The following CTNNA3 variants were observed in gnomAD, a reference collection of about 807,000 sequenced individuals.
CTNNA3 encodes catenin alpha 3.
A neutral mutation model predicts 95.7 loss-of-function variants in CTNNA3; 76 were observed. The observed-to-expected ratio is 0.79, with a 90% CI of 0.66 to 0.96. The LOEUF is 0.96. Ranked by LOEUF, CTNNA3 falls within the 40% of genes least tolerant of loss-of-function variation. The pLI, the probability that CTNNA3 is intolerant of heterozygous loss-of-function variation, is 0.00. For missense variants in CTNNA3, 1,191 were observed against 1,089.8 expected, an observed-to-expected ratio of 1.09 and a Z score of -1.31; for synonymous variants, 431 against 374.4, an observed-to-expected ratio of 1.15 and a Z score of -1.74.
rs1841023404 is a variant in CTNNA3 at position 66,792,703 on chromosome 10, T to G, written c.1048-17179A>C. Among the ~76,000 whole-genome samples, 3 of 152,202 alleles carry G rather than the reference T, an allele frequency of 2.0e-5. No homozygotes were observed. In the South Asian group the frequency reaches 6.2e-4, roughly 31 times the overall value. On this transcript the variant is annotated intron_variant, in intron 7 of 17. Coordinates refer to ENST00000433211, the MANE Select transcript of CTNNA3 (RefSeq NM_013266.4). The stretch of plus-strand genomic sequence containing the variant: ...CACTTGGCAACATGTACAAACTTTC[T>G]GTTTTTAAAATATCAAAATCTATGC...
chr10:66,360,277 T>C (rs1026156537), intron 12 of CTNNA3, among the ~76,000 whole-genome samples: 1 of 150,126 alleles, frequency 6.7e-6, no homozygotes, highest in Non-Finnish European at 1.5e-5. Context: ...ACATTGAAAA[T>C]AAGGGTTTCC....
chr10:66,681,448 C>A (rs1589116370), intron 9 of CTNNA3, among the ~76,000 whole-genome samples: 2 of 152,142 alleles, frequency 1.3e-5, no homozygotes, highest in South Asian at 4.2e-4. Context: ...TCTAGCATAC[C>A]TTTACTGGCT....
Position 66,445,434 on chromosome 10 carries a change from C to T in CTNNA3, c.1532-66082G>A, listed in dbSNP as rs1292265757. Among the ~76,000 whole-genome samples, 3 of 152,160 alleles carry T rather than the reference C, an allele frequency of 2.0e-5. No individual in the cohort carries two copies. In the East Asian group the frequency reaches 5.8e-4, roughly 29 times the overall value. ...CCACATAGTTGGAAGTAAAGCACTC[C>T]TCAGCAAATGTAAAAGAACAGAAAT... On this transcript the variant is annotated intron_variant, in intron 11 of 17. Coordinates refer to ENST00000433211, the MANE Select transcript of CTNNA3 (RefSeq NM_013266.4).
intron 7 of CTNNA3, chr10:67,097,477 C>T: frequency 1.1e-6 from 1 of 903,900 alleles, no homozygotes; most frequent in South Asian, 1.5e-5. Context: ...GCCACAGGGC[C>T]ACAGATATAA....
intron 1 of CTNNA3, among the ~76,000 whole-genome samples, chr10:67,761,236 C>T (rs1036734694): frequency 9.2e-5 from 14 of 152,146 alleles, no homozygotes; most frequent in African/African-American, 3.4e-4. Context: ...ACCCAAATGT[C>T]GTTATGAGGC....
At chr10:65,966,587 C>G in intron 17 of CTNNA3, 25 bp downstream of exon 17, 1 of 1,583,956 alleles carries the variant, frequency 6.3e-7, no homozygotes, top group Admixed American at 1.7e-5. Context: ...CACCTGTGAT[C>G]ATGTAAGTGC....
At chr10:66,655,326 T>C (rs1262578322) in intron 9 of CTNNA3, among the ~76,000 whole-genome samples, 1 of 152,096 alleles carries the variant, frequency 6.6e-6, no homozygotes, top group Non-Finnish European at 1.5e-5. Flanking sequence ...AAAAGTAACA[T>C]ATATACAATC....
At chr10:67,401,917 A>T (rs182384647) in intron 5 of CTNNA3, among the ~76,000 whole-genome samples, 4 of 152,330 alleles carry the variant, frequency 2.6e-5, no homozygotes, top group South Asian at 4.1e-4. Flanking sequence ...TTCTCTAAAA[A>T]CTTTCAGAAA....
intron 2 of CTNNA3, among the ~76,000 whole-genome samples, chr10:67,636,206 T>C (rs1284704538): frequency 6.6e-6 from 1 of 152,156 alleles, no homozygotes; most frequent in Non-Finnish European, 1.5e-5. Context: ...TCCTCATGGA[T>C]AGGAAGAATC....
At chr10:67,570,586 T>C (rs1841945454) in intron 3 of CTNNA3, among the ~76,000 whole-genome samples, 1 of 152,170 alleles carries the variant, frequency 6.6e-6, no homozygotes. Flanking sequence ...ATTACTGCTG[T>C]AACCTTTTAC....
intron 1 of CTNNA3, among the ~76,000 whole-genome samples, chr10:67,714,052 G>A (rs566593504): frequency 3.3e-5 from 5 of 152,336 alleles, no homozygotes; most frequent in Non-Finnish European, 5.9e-5. Context: ...TGCTGCAGGG[G>A]CAGGGCTCTC....
intron 7 of CTNNA3, among the ~76,000 whole-genome samples, chr10:66,920,216 A>G (rs181348287): frequency 1.1e-4 from 16 of 152,344 alleles, no homozygotes; most frequent in Admixed American, 4.6e-4. Flanking sequence ...ATATTGTACA[A>G]TGTACTTACT....
At chr10:66,150,641 G>C (rs1424952319) in intron 13 of CTNNA3, among the ~76,000 whole-genome samples, 1 of 151,546 alleles carries the variant, frequency 6.6e-6, no homozygotes, top group Non-Finnish European at 1.5e-5. Flanking sequence ...CCTTGTGTTG[G>C]GGTCATTCTA....
intron 9 of CTNNA3, among the ~76,000 whole-genome samples, chr10:66,660,387 C>T (rs1846221578): frequency 1.3e-5 from 2 of 152,172 alleles, no homozygotes; most frequent in Non-Finnish European, 2.9e-5. Context: ...ATGCCTCCAA[C>T]CTCTTAACTT....
At chr10:67,149,584 C>A (rs1445430014) in intron 7 of CTNNA3, among the ~76,000 whole-genome samples, 2 of 151,820 alleles carry the variant, frequency 1.3e-5, no homozygotes, top group East Asian at 3.9e-4. Flanking sequence ...GACTCCGTCT[C>A]AAAAAACAAA....
chr10:66,755,679 A>G (rs1015723140), intron 9 of CTNNA3, among the ~76,000 whole-genome samples: 2 of 152,116 alleles, frequency 1.3e-5, no homozygotes, highest in African/African-American at 4.8e-5. Flanking sequence ...GGTGTCTACA[A>G]GAGAAACAAA....
chr10:67,528,989 T>C (rs1188539442), intron 4 of CTNNA3, among the ~76,000 whole-genome samples: 1 of 152,222 alleles, frequency 6.6e-6, no homozygotes, highest in South Asian at 2.1e-4. Flanking sequence ...ATAAATTATA[T>C]ACATGAAAAT....
intron 1 of CTNNA3, among the ~76,000 whole-genome samples, chr10:67,731,420 G>C (rs570584220): frequency 5.9e-5 from 9 of 152,248 alleles, no homozygotes; most frequent in African/African-American, 2.2e-4. Context: ...AGCGGAGGTT[G>C]CAGTGAGCCG....
intron 5 of CTNNA3, among the ~76,000 whole-genome samples, chr10:67,368,198 A>G (rs941802435): frequency 2.0e-5 from 3 of 152,230 alleles, no homozygotes; most frequent in Non-Finnish European, 4.4e-5. Flanking sequence ...CAAACAAAAG[A>G]TTGAACCTAA....
Sources: gnomAD v4.1 joint callset for allele counts (sites outside exome capture counted in the v4.1 genomes callset) on GRCh38, gnomAD v4.1.1 for gene constraint, MANE v1.5 for transcripts, NCBI Gene and HGNC (gene_info 2026-07-23, HGNC 2026-07-21) for gene names.